The following SND1 variants were observed in gnomAD, a reference collection of about 807,000 sequenced individuals.
The protein encoded by SND1 is staphylococcal nuclease and tudor domain containing 1, also known as staphylococcal nuclease domain-containing protein 1.
A neutral mutation model predicts 121.7 loss-of-function variants in SND1; 38 were observed. The ratio of observed to expected loss-of-function variants is 0.31; its 90% CI spans 0.24 to 0.41. The LOEUF (loss-of-function observed/expected upper bound fraction) is 0.41. Among genes scored for constraint, SND1 ranks in the 10% least tolerant of loss-of-function variants. The probability of loss-of-function intolerance (pLI) is 1.00; values close to 1 mark genes in which losing one functional copy is unlikely to be tolerated. For synonymous variants in SND1, 401 were observed against 447.4 expected (o/e 0.90, Z 1.31); for missense variants, 868 against 1,184.6 (o/e 0.73, Z 3.92).
chr7:128,047,072 A>C (rs367863177), intron 16 of SND1, among the ~76,000 whole-genome samples: 16 of 152,336 alleles, frequency 1.1e-4, no homozygotes, highest in African/African-American at 3.8e-4. Context: ...TTTCCTTTGC[A>C]ATCCTATATA....
intron 16 of SND1, among the ~76,000 whole-genome samples, chr7:128,006,225 AG>A (rs1170870989): frequency 6.6e-6 from 1 of 150,938 alleles, no homozygotes; most frequent in Non-Finnish European, 1.5e-5. Context: ...AAGCATGGGA[AG>A]GGTGCGTGCG....
At chr7:127,916,006 G>A (rs1029547609) in intron 14 of SND1, among the ~76,000 whole-genome samples, 3 of 119,232 alleles carry the variant, frequency 2.5e-5, no homozygotes, top group East Asian at 2.1e-4. Context: ...ATGTGTGTGT[G>A]TGTGTGTGTG....
intron 16 of SND1, among the ~76,000 whole-genome samples, chr7:128,060,769 G>A (rs147327917): frequency 6.6e-6 from 1 of 152,212 alleles, no homozygotes; most frequent in African/African-American, 2.4e-5. Flanking sequence ...TGGCATCCAG[G>A]TGTCCTCTAT....
rs117992708 is a variant in SND1, at chr7:127,781,607, A to C, written c.1153-25877A>C. Among the ~76,000 whole-genome samples, 211 of 152,314 alleles carry C rather than the reference A, an allele frequency of 1.4e-3. 8 individuals carry two copies. The East Asian group carries it at 0.038, about 28-fold the overall frequency. ...ATTTGATTTTTTTTTTTCCACTTGG[A>C]ATAGAAATCCGGTTCTGAACCTTGT... is the stretch of plus-strand genomic sequence containing the variant. On this transcript the variant is annotated intron_variant, in intron 10 of 23. Transcript: ENST00000354725.
chr7:127,704,662 T>A (rs1379626494), intron 7 of SND1, among the ~76,000 whole-genome samples, 177 bp from the exon 8 acceptor site: 1 of 152,154 alleles, frequency 6.6e-6, no homozygotes, highest in Non-Finnish European at 1.5e-5. Flanking sequence ...CAGAGTGGCA[T>A]CTCTCCCATC....
intron 15 of SND1, among the ~76,000 whole-genome samples, chr7:127,939,486 G>A (rs1315476775): frequency 1.3e-5 from 2 of 152,098 alleles, no homozygotes; most frequent in Non-Finnish European, 2.9e-5. Context: ...ACAGACCTTG[G>A]AGCTAAAACA....
chr7:127,724,251 A>T (rs1253214933), intron 10 of SND1, among the ~76,000 whole-genome samples: 1 of 152,222 alleles, frequency 6.6e-6, no homozygotes, highest in East Asian at 1.9e-4. Flanking sequence ...AGTTTAGGAG[A>T]GTGCATAGTT....
At chr7:127,764,974 G>A (rs1207854263) in intron 10 of SND1, among the ~76,000 whole-genome samples, 1 of 152,176 alleles carries the variant, frequency 6.6e-6, no homozygotes, top group East Asian at 1.9e-4. Context: ...AGAGATGGGG[G>A]TTGGTGTCGC....
chr7:127,862,406 G>C (rs769187710), intron 12 of SND1, among the ~76,000 whole-genome samples: 29 of 152,044 alleles, frequency 1.9e-4, no homozygotes, highest in Non-Finnish European at 3.5e-4. Context: ...CCCATTTGCA[G>C]CATAATTTAT....
intron 15 of SND1, among the ~76,000 whole-genome samples, chr7:127,942,460 C>A (rs952192269): frequency 6.6e-5 from 10 of 152,164 alleles, no homozygotes; most frequent in African/African-American, 1.9e-4. Context: ...AGTCATAGAT[C>A]ATGGATCTGT....
Position 128,084,110 on chromosome 7 carries a change from G to A in SND1, c.2111-614G>A, listed in dbSNP as rs1296823093. Among the ~76,000 whole-genome samples the A allele has an allele frequency of 3.3e-5, 5 of 152,298 alleles. No homozygotes were observed. In the South Asian group the frequency reaches 6.2e-4, roughly 19 times the overall value. On this transcript the variant is annotated intron_variant, in intron 18 of 23. Transcript: ENST00000354725. Reference sequence around the variant, plus strand: ...GCATGTATCTTGCAGGGTGACAAGGGTCAGAGGGGCCAAGTTTGAATAATA... The same window carrying A: ...GCATGTATCTTGCAGGGTGACAAGGATCAGAGGGGCCAAGTTTGAATAATA...
chr7:127,708,595 G>A (rs939307647), intron 9 of SND1, among the ~76,000 whole-genome samples: 4 of 151,600 alleles, frequency 2.6e-5, no homozygotes, highest in Non-Finnish European at 5.9e-5. Context: ...TTGGTTCCCC[G>A]CCCCACCGCC....
chr7:127,704,705 CTACTG>C, intron 7 of SND1, 129 bp from the exon 8 acceptor site: 1 of 724,890 alleles, frequency 1.4e-6, no homozygotes. Flanking sequence ...AGAAGCTACT[CTACTG>C]TAAACAAACA....
At chr7:127,715,348 T>G (rs1371431241) in intron 9 of SND1, among the ~76,000 whole-genome samples, 1 of 152,200 alleles carries the variant, frequency 6.6e-6, no homozygotes, top group Non-Finnish European at 1.5e-5. Context: ...ACTTTTCTTT[T>G]AGATTCGGGG....
intron 16 of SND1, among the ~76,000 whole-genome samples, chr7:128,066,517 T>C (rs1321595271): frequency 6.6e-6 from 1 of 152,216 alleles, no homozygotes; most frequent in Admixed American, 6.5e-5. Flanking sequence ...TCCGTGCTGC[T>C]GCCTGCCTCT....
At chr7:127,728,105 A>G (rs1171234068) in intron 10 of SND1, among the ~76,000 whole-genome samples, 1 of 152,168 alleles carries the variant, frequency 6.6e-6, no homozygotes, top group African/African-American at 2.4e-5. Context: ...AAACTGGAGA[A>G]GACAGCATGT....
chr7:127,773,682 T>C (rs1251083894), intron 10 of SND1, among the ~76,000 whole-genome samples: 1 of 152,226 alleles, frequency 6.6e-6, no homozygotes, highest in Non-Finnish European at 1.5e-5. Context: ...TTTTCTTCAC[T>C]GTCTCCTCGA....
At chr7:127,835,872 A>G (rs902353705) in intron 11 of SND1, among the ~76,000 whole-genome samples, 60 of 152,176 alleles carry the variant, frequency 3.9e-4, no homozygotes, top group Admixed American at 3.9e-3. Context: ...TTACTTCCGT[A>G]TAGAAACTGC....
intron 13 of SND1, among the ~76,000 whole-genome samples, chr7:127,889,193 A>G (rs1799964270): frequency 6.6e-6 from 1 of 152,052 alleles, no homozygotes; most frequent in Admixed American, 6.6e-5. Flanking sequence ...TTTAAAGCTC[A>G]TTAATGGTCA....
Sources: gnomAD v4.1 joint callset for allele counts (sites outside exome capture counted in the v4.1 genomes callset) on GRCh38, gnomAD v4.1.1 for gene constraint, MANE v1.5 for transcripts, NCBI Gene and HGNC (gene_info 2026-07-23, HGNC 2026-07-21) for gene names.